The following CNTNAP5 variants were observed in gnomAD, a reference collection of about 807,000 sequenced individuals.
CNTNAP5 encodes contactin associated protein family member 5.
A neutral mutation model predicts 150.2 loss-of-function variants in CNTNAP5; 72 were observed. The observed-to-expected ratio is 0.48, with a 90% CI of 0.40 to 0.58. CNTNAP5 has a LOEUF of 0.58. Among genes scored for constraint, CNTNAP5 ranks in the 20% least tolerant of loss-of-function variants. The probability of loss-of-function intolerance (pLI) is 0.00; values close to 1 mark genes in which losing one functional copy is unlikely to be tolerated. For synonymous variants in CNTNAP5, 672 were observed against 619.8 expected, an observed-to-expected ratio of 1.08 and a Z score of -1.25; for missense variants, 1,636 against 1,626.2, an observed-to-expected ratio of 1.01 and a Z score of -0.10.
At chr2:124,240,815 T>C (rs1686867080) in intron 2 of CNTNAP5, among the ~76,000 whole-genome samples, 1 of 152,172 alleles carries the variant, frequency 6.6e-6, no homozygotes, top group African/African-American at 2.4e-5. Context: ...TTATGCCCTC[T>C]ATCACTCTGT....
intron 6 of CNTNAP5, among the ~76,000 whole-genome samples, chr2:124,466,259 A>T (rs1693377231): frequency 6.6e-6 from 1 of 152,184 alleles, no homozygotes; most frequent in African/African-American, 2.4e-5. Flanking sequence ...CCTTCAGAGA[A>T]TACAATAACT....
intron 21 of CNTNAP5, among the ~76,000 whole-genome samples, chr2:124,870,147 T>A (rs1438994211): frequency 6.6e-6 from 1 of 151,940 alleles, no homozygotes; most frequent in Non-Finnish European, 1.5e-5. Flanking sequence ...CCTATTATAA[T>A]AGTGAATCTT....
At chr2:124,525,706 G>T (rs767382878) in intron 9 of CNTNAP5, among the ~76,000 whole-genome samples, 16 of 152,142 alleles carry the variant, frequency 1.1e-4, no homozygotes, top group Non-Finnish European at 1.9e-4. Context: ...CTCCACCTGT[G>T]CATGGATAAC....
intron 11 of CNTNAP5, among the ~76,000 whole-genome samples, chr2:124,569,292 A>G (rs1504024): frequency 0.13 from 20,259 of 152,098 alleles, 1,861 homozygotes; most frequent in Non-Finnish European, 0.19. Flanking sequence ...ACGTTTTTAC[A>G]TGTATTTTTA....
chr2:124,908,150 A>G (rs1031734558), intron 22 of CNTNAP5, among the ~76,000 whole-genome samples: 1 of 152,040 alleles, frequency 6.6e-6, no homozygotes, highest in African/African-American at 2.4e-5. Context: ...AGGAGGGCAG[A>G]TCACAAGGTG....
intron 3 of CNTNAP5, among the ~76,000 whole-genome samples, chr2:124,404,229 A>G (rs1573970269): frequency 6.6e-6 from 1 of 152,246 alleles, no homozygotes; most frequent in Non-Finnish European, 1.5e-5. Context: ...TCCCCTGTCA[A>G]GGTCACTGAT....
At chr2:124,749,363 G>GTCCTTCCCTCTCTCCCT (rs1262997597) in intron 14 of CNTNAP5, among the ~76,000 whole-genome samples, 1 of 120,808 alleles carries the variant, frequency 8.3e-6, no homozygotes, top group East Asian at 2.6e-4. Context: ...CCCTCTCTCC[G>GTCCTTCCCTCTCTCCCT]TCCTTCCCTC....
chr2:124,086,122 T>TTC (rs1682684005), intron 1 of CNTNAP5, among the ~76,000 whole-genome samples: 1 of 151,968 alleles, frequency 6.6e-6, no homozygotes, highest in Non-Finnish European at 1.5e-5. Context: ...GTTCTATCGA[T>TTC]AGAACTGTTT....
intron 13 of CNTNAP5, among the ~76,000 whole-genome samples, chr2:124,650,630 G>C (rs1386959639): frequency 6.6e-6 from 1 of 152,146 alleles, no homozygotes. Context: ...GTTTGTGCAA[G>C]TTTTTCCTTT....
At chr2:124,588,230 T>C (rs1445674193) in intron 11 of CNTNAP5, among the ~76,000 whole-genome samples, 3 of 146,824 alleles carry the variant, frequency 2.0e-5, no homozygotes, top group Non-Finnish European at 4.5e-5. Flanking sequence ...CTTTCTTTCT[T>C]TCTTTCTTCT....
At chr2:124,038,025 C>T (rs531022196) in intron 1 of CNTNAP5, among the ~76,000 whole-genome samples, 6 of 152,262 alleles carry the variant, frequency 3.9e-5, no homozygotes, top group South Asian at 2.1e-4. Context: ...TTTGTCTTCA[C>T]GCTGCAAGAT....
chr2:124,592,441 A>G (rs11681388), intron 11 of CNTNAP5, among the ~76,000 whole-genome samples: 57,827 of 151,548 alleles, frequency 0.38, 12,563 homozygotes, highest in South Asian at 0.5. Context: ...ATAATTAGCA[A>G]TGATCCAATA....
intron 3 of CNTNAP5, among the ~76,000 whole-genome samples, chr2:124,243,285 C>A (rs973300411): frequency 2.0e-5 from 3 of 152,178 alleles, no homozygotes; most frequent in Non-Finnish European, 2.9e-5. Context: ...CTTTCCTTTT[C>A]AGATTCTGTC....
At chr2:124,568,907 G>A (rs987077370) in intron 11 of CNTNAP5, among the ~76,000 whole-genome samples, 3 of 152,144 alleles carry the variant, frequency 2.0e-5, no homozygotes, top group African/African-American at 4.8e-5. Context: ...AATTACCCTG[G>A]CGTGGCGGCG....
At chr2:124,776,129 G>A (rs1002047148) in intron 17 of CNTNAP5, among the ~76,000 whole-genome samples, 8 of 152,148 alleles carry the variant, frequency 5.3e-5, no homozygotes, top group East Asian at 1.9e-4. Flanking sequence ...CCATGTGTAC[G>A]TAACAGTAAA....
intron 13 of CNTNAP5, among the ~76,000 whole-genome samples, chr2:124,678,033 T>C (rs896913287): frequency 6.6e-6 from 1 of 151,884 alleles, no homozygotes; most frequent in Non-Finnish European, 1.5e-5. Flanking sequence ...ATGTCTTAAG[T>C]CTCTGCCTTT....
At chr2:124,504,702 C>A in intron 8 of CNTNAP5, 146 bp downstream of exon 8, 14 of 557,754 alleles carry the variant, frequency 2.5e-5, no homozygotes, top group Non-Finnish European at 3.8e-5. Flanking sequence ...GAAGAGGCAG[C>A]ATTTTTTTTT....
At chr2:124,441,974 G>C (rs946115004) in intron 5 of CNTNAP5, among the ~76,000 whole-genome samples, 14 of 150,088 alleles carry the variant, frequency 9.3e-5, no homozygotes, top group African/African-American at 3.4e-4. Context: ...AATTTCATGA[G>C]CTACTTTGCA....
intron 11 of CNTNAP5, among the ~76,000 whole-genome samples, chr2:124,608,796 T>C (rs1354507426): frequency 6.6e-6 from 1 of 151,878 alleles, no homozygotes; most frequent in Non-Finnish European, 1.5e-5. Context: ...AATATAAAAA[T>C]TAGCTGGGCG....
Sources: gnomAD v4.1 joint callset for allele counts (sites outside exome capture counted in the v4.1 genomes callset) on GRCh38, gnomAD v4.1.1 for gene constraint, MANE v1.5 for transcripts, NCBI Gene and HGNC (gene_info 2026-07-23, HGNC 2026-07-21) for gene names.